Variants in FHIT observed in about 807,000 individuals in gnomAD.
The protein encoded by FHIT is bis(5'-adenosyl)-triphosphatase.
FHIT carries 19 observed loss-of-function variants against 17.9 expected under a neutral mutation model. That is an observed-to-expected ratio of 1.06 (90% CI 0.74 to 1.56). FHIT has a LOEUF of 1.56. FHIT is among the 40% of genes most tolerant of loss of function. The pLI is 0.00. For synonymous variants in FHIT, 81 were observed against 69.7 expected (o/e 1.16, Z -0.81); for missense variants, 248 against 189.2 (o/e 1.31, Z -1.82).
chr3:61,097,350 A>T (rs1386459574), intron 2 of FHIT, among the ~76,000 whole-genome samples: 1 of 152,170 alleles, frequency 6.6e-6, no homozygotes, highest in African/African-American at 2.4e-5. Flanking sequence ...TCTATCATTG[A>T]TGGACATTTA....
chr3:60,987,540 G>A (rs888994082), intron 3 of FHIT, among the ~76,000 whole-genome samples: 3 of 152,210 alleles, frequency 2.0e-5, no homozygotes, highest in Non-Finnish European at 4.4e-5. Context: ...GCTAATGACT[G>A]GTTTGCTGTT....
chr3:60,710,700 G>T (rs1393475540), intron 4 of FHIT, among the ~76,000 whole-genome samples: 2 of 152,210 alleles, frequency 1.3e-5, no homozygotes, highest in Non-Finnish European at 2.9e-5. Context: ...CAAACTGCAA[G>T]GCGGCAGCGA....
Position 60,270,142 on chromosome 3 carries a change from C to G in FHIT, c.104-255990G>C, listed in dbSNP as rs532970252. On this transcript the variant is annotated intron_variant, in intron 5 of 9. Transcript: ENST00000492590. Reference sequence around the variant, plus strand: ...CTGTTGTGACAGCGAAGTCAGGTGACAGAGACTCAGTGGTCTAAGAGACCA... The same window carrying G: ...CTGTTGTGACAGCGAAGTCAGGTGAGAGAGACTCAGTGGTCTAAGAGACCA... Among the ~76,000 whole-genome samples, 5 of 152,250 alleles carry G rather than the reference C, an allele frequency of 3.3e-5. No homozygotes were observed. The East Asian group carries it at 7.7e-4, about 24-fold the overall frequency.
intron 5 of FHIT, among the ~76,000 whole-genome samples, chr3:60,415,725 C>A: frequency 1.5e-5 from 1 of 67,266 alleles, no homozygotes. Context: ...AAGACAAACG[C>A]CTGAGTTAAA....
chr3:60,111,421 C>A (rs1704664367), intron 5 of FHIT, among the ~76,000 whole-genome samples: 1 of 152,154 alleles, frequency 6.6e-6, no homozygotes, highest in Non-Finnish European at 1.5e-5. Flanking sequence ...GTAGTGAGAT[C>A]CCTCTAAAAC....
At chr3:59,822,989 T>C (rs756483743) in intron 8 of FHIT, among the ~76,000 whole-genome samples, 5 of 152,216 alleles carry the variant, frequency 3.3e-5, no homozygotes, top group Non-Finnish European at 7.3e-5. Context: ...AGGTGAGAGA[T>C]GAGGATCCAG....
At chr3:60,904,480 C>CAAAAAAAAAAAAAA (rs36117889) in intron 3 of FHIT, among the ~76,000 whole-genome samples, 1 of 136,420 alleles carries the variant, frequency 7.3e-6, no homozygotes, top group African/African-American at 2.8e-5. Flanking sequence ...AATCCAAATG[C>CAAAAAAAAAAAAAA]AAAAAAAAAA....
intron 3 of FHIT, among the ~76,000 whole-genome samples, chr3:60,880,068 A>G (rs1417503461): frequency 6.6e-6 from 1 of 152,170 alleles, no homozygotes; most frequent in Non-Finnish European, 1.5e-5. Flanking sequence ...TCAAGCCCTG[A>G]TGCACATTAT....
intron 7 of FHIT, among the ~76,000 whole-genome samples, chr3:59,934,059 A>G (rs935384485): frequency 1.3e-5 from 2 of 152,118 alleles, no homozygotes; most frequent in African/African-American, 2.4e-5. Flanking sequence ...CCAGTTGAGC[A>G]TTCTTTACTT....
At chr3:59,962,352 T>C (rs1411082059) in intron 7 of FHIT, among the ~76,000 whole-genome samples, 1 of 152,228 alleles carries the variant, frequency 6.6e-6, no homozygotes, top group Non-Finnish European at 1.5e-5. Flanking sequence ...CTTCATTTCA[T>C]TGTTCAAAGT....
chr3:59,824,264 T>TCTAAGAGTTCTTTCAGCAGTGTTTTGTA (rs1700898887), intron 8 of FHIT, among the ~76,000 whole-genome samples: 1 of 151,234 alleles, frequency 6.6e-6, no homozygotes, highest in Non-Finnish European at 1.5e-5. Context: ...GTAGAGAGAG[T>TCTAAGAGTTCTTTCAGCAGTGTTTTGTA]GTTAAAGAAG....
intron 5 of FHIT, among the ~76,000 whole-genome samples, chr3:60,191,444 G>C (rs1702399324): frequency 6.6e-6 from 1 of 152,164 alleles, no homozygotes; most frequent in African/African-American, 2.4e-5. Context: ...AGTATTTCAA[G>C]TCCACTGAAC....
At chr3:60,149,250 C>T (rs1393755451) in intron 5 of FHIT, among the ~76,000 whole-genome samples, 7 of 152,078 alleles carry the variant, frequency 4.6e-5, no homozygotes, top group Non-Finnish European at 1.0e-4. Context: ...TGGAAATAGG[C>T]ACCATCAACT....
intron 3 of FHIT, among the ~76,000 whole-genome samples, chr3:61,015,762 G>A (rs2107634365): frequency 6.6e-6 from 1 of 152,206 alleles, no homozygotes; most frequent in Non-Finnish European, 1.5e-5. Context: ...ACAGGCCTCT[G>A]AGTTTGGGTT....
At chr3:60,501,034 C>T (rs1400401565) in intron 5 of FHIT, among the ~76,000 whole-genome samples, 1 of 151,766 alleles carries the variant, frequency 6.6e-6, no homozygotes, top group Admixed American at 6.5e-5. Flanking sequence ...AACCTAATAG[C>T]AAGTAACAGT....
chr3:60,001,957 T>C (rs1699746352), intron 7 of FHIT, among the ~76,000 whole-genome samples: 1 of 152,086 alleles, frequency 6.6e-6, no homozygotes, highest in Admixed American at 6.5e-5. Flanking sequence ...GATAAGAAAA[T>C]ATTTTGTGGG....
chr3:60,820,307 A>G (rs1701882208), intron 4 of FHIT, among the ~76,000 whole-genome samples: 2 of 152,208 alleles, frequency 1.3e-5, no homozygotes, highest in African/African-American at 4.8e-5. Context: ...CTCCATTTCA[A>G]AAAAGAAAGC....
chr3:60,876,514 G>A (rs782611399), intron 3 of FHIT, among the ~76,000 whole-genome samples: 68 of 152,296 alleles, frequency 4.5e-4, no homozygotes, highest in Middle Eastern at 3.4e-3. Context: ...TTGTGAGCTT[G>A]TACTGCCAAG....
intron 4 of FHIT, among the ~76,000 whole-genome samples, chr3:60,710,894 C>T (rs2041509412): frequency 6.6e-6 from 1 of 152,198 alleles, no homozygotes; most frequent in South Asian, 2.1e-4. Context: ...CTTAAATGTC[C>T]CTGACTGACA....
Sources: allele counts gnomAD v4.1 joint callset (sites outside exome capture counted in the v4.1 genomes callset), GRCh38; gene constraint gnomAD v4.1.1; transcripts MANE v1.5; gene names NCBI Gene and HGNC (gene_info 2026-07-23, HGNC 2026-07-21).